The following PRKAR1A variants were observed in gnomAD, a reference collection of about 807,000 sequenced individuals.
The protein encoded by PRKAR1A is cAMP-dependent protein kinase type I-alpha regulatory subunit.
A neutral mutation model predicts 52.0 loss-of-function variants in PRKAR1A; 3 were observed. That is an observed-to-expected ratio of 0.06 (90% confidence interval 0.03 to 0.15). The LOEUF is 0.15. PRKAR1A is among the 10% of genes least tolerant of loss of function. The probability of loss-of-function intolerance (pLI) is 1.00; values close to 1 mark genes in which losing one functional copy is unlikely to be tolerated. For missense variants in PRKAR1A, 240 were observed against 477.4 expected (o/e 0.50, Z 4.63); for synonymous variants, 188 against 168.4 (o/e 1.12, Z -0.90).
In PRKAR1A at chr17:68,532,295, A is replaced by T. The variant is rs1383819048; in HGVS notation, c.*1846A>T. 1 of 1,049,676 alleles carries T rather than the reference A, an allele frequency of 9.5e-7. No homozygotes were observed. Among genetic ancestry groups the T allele is most frequent in the Non-Finnish European group, 1.2e-6 (1 of 865,018 alleles). 65.0% of individuals were successfully genotyped at this position (1,049,676 alleles called of 1,614,324 possible). Reference sequence around the variant, plus strand: ...CAAAATGTACTTAAATGAGTTACTTAGAATGCCATAAAATTGCAGTTTCAT... The same window carrying T: ...CAAAATGTACTTAAATGAGTTACTTTGAATGCCATAAAATTGCAGTTTCAT... On this transcript the variant is annotated 3_prime_UTR_variant, in exon 11 of 11. Transcript: ENST00000589228.
the PRKAR1A span, chr17:68,435,534 C>T: frequency 4.5e-6 from 6 of 1,321,468 alleles, no homozygotes; most frequent in Non-Finnish European, 6.5e-6. Context: ...GTCTTCATGT[C>T]ACCAGGTTTG....
At chr17:68,511,079 T>C (rs2085257928), upstream of PRKAR1A, among the ~76,000 whole-genome samples, 2 of 152,244 alleles carry the variant, frequency 1.3e-5, no homozygotes, top group Admixed American at 1.3e-4. Context: ...ATAAACACTA[T>C]TGAGCTACTT....
chr17:68,418,036 T>A, the PRKAR1A span, among the ~76,000 whole-genome samples: 1 of 152,104 alleles, frequency 6.6e-6, no homozygotes, highest in Non-Finnish European at 1.5e-5. Flanking sequence ...GGCTGAGTTG[T>A]TGATTTTTTA....
chr17:68,425,351 G>A, the PRKAR1A span, among the ~76,000 whole-genome samples: 2 of 151,104 alleles, frequency 1.3e-5, no homozygotes, highest in Non-Finnish European at 2.9e-5. Flanking sequence ...CTACAGGCAC[G>A]TGACACCACA....
At position 68,532,268 on chromosome 17, in the gene PRKAR1A, G is replaced by A; in HGVS notation, c.*1819G>A. ...AGCTTGATTTGATCTTTGTTTAAAT[G>A]CCAAAATGTACTTAAATGAGTTACT... On this transcript the variant is annotated 3_prime_UTR_variant, in exon 11 of 11. Coordinates refer to ENST00000589228, the MANE Select transcript of PRKAR1A (RefSeq NM_002734.5). 5 of 1,044,880 alleles carry A rather than the reference G, an allele frequency of 4.8e-6. No homozygotes were observed. Among genetic ancestry groups the A allele is most frequent in the Non-Finnish European group, 5.8e-6 (5 of 860,814 alleles). 64.7% of individuals were successfully genotyped at this position (1,044,880 alleles called of 1,614,324 possible).
chr17:68,479,173 T>C, the PRKAR1A span, among the ~76,000 whole-genome samples: 3 of 152,224 alleles, frequency 2.0e-5, no homozygotes, highest in Non-Finnish European at 2.9e-5. Context: ...TAATTACAGC[T>C]ATTATTTTTA....
At chr17:68,548,566 AAT>A (rs2086675840) in intron 11 of PRKAR1A, among the ~76,000 whole-genome samples, 1 of 151,976 alleles carries the variant, frequency 6.6e-6, no homozygotes, top group Admixed American at 6.6e-5. Flanking sequence ...AGAATTACCA[AAT>A]GTGACACAGA....
intron 11 of PRKAR1A, among the ~76,000 whole-genome samples, chr17:68,544,597 G>T (rs1166587039): frequency 6.6e-6 from 1 of 152,180 alleles, no homozygotes; most frequent in East Asian, 1.9e-4. Flanking sequence ...AGAAGCACTG[G>T]CAATTTAAAC....
At chr17:68,539,013 A>G (rs1170885213) in intron 11 of PRKAR1A, among the ~76,000 whole-genome samples, 6 of 152,204 alleles carry the variant, frequency 3.9e-5, no homozygotes, top group Admixed American at 3.3e-4. Context: ...CTTAGGCTAT[A>G]TGATAACTGC....
At chr17:68,426,254 G>GGGGGGGGGGGGT in the PRKAR1A span, 5 of 816,924 alleles carry the variant, frequency 6.1e-6, no homozygotes, top group Admixed American at 2.3e-5. Flanking sequence ...GGGAGCGGGG[G>GGGGGGGGGGGGT]CTCAAATAAA....
downstream of PRKAR1A, among the ~76,000 whole-genome samples, chr17:68,538,272 T>C: frequency 6.6e-6 from 1 of 152,246 alleles, no homozygotes. Flanking sequence ...TGACTTGGAC[T>C]CTGATGTGTA....
the PRKAR1A span, chr17:68,450,697 C>A: frequency 1.3e-6 from 2 of 1,581,294 alleles, no homozygotes; most frequent in South Asian, 2.3e-5. Flanking sequence ...TTAGCAGAAG[C>A]TTTGAAACCC....
the PRKAR1A span, among the ~76,000 whole-genome samples, chr17:68,454,137 C>G: frequency 6.6e-6 from 1 of 152,154 alleles, no homozygotes; most frequent in East Asian, 1.9e-4. Context: ...TCCAGATTTT[C>G]TTGGCCTTGT....
intron 3 of PRKAR1A, 132 bp downstream of exon 3, chr17:68,523,058 A>C (rs1422356562): frequency 2.7e-6 from 3 of 1,091,952 alleles, no homozygotes; most frequent in African/African-American, 3.1e-5. Flanking sequence ...ATTCTTGGGT[A>C]CTGGAAAACA....
the PRKAR1A span, chr17:68,420,598 A>T: frequency 3.8e-6 from 4 of 1,054,516 alleles, no homozygotes; most frequent in Non-Finnish European, 5.6e-6. Context: ...AGCCTTGCAT[A>T]TCCCTTCTGT....
At chr17:68,506,782 C>T (rs1211029714), upstream of PRKAR1A, among the ~76,000 whole-genome samples, 1 of 152,054 alleles carries the variant, frequency 6.6e-6, no homozygotes, top group Non-Finnish European at 1.5e-5. Flanking sequence ...GCACCTGGCC[C>T]AGACTGTGAA....
At chr17:68,457,526 TACCCCGCCCCGTCCCCACCCCGC>T in the PRKAR1A span, 1 of 497,922 alleles carries the variant, frequency 2.0e-6, no homozygotes. Flanking sequence ...GCCCCGCCCC[TACCCCGCCCCGTCCCCACCCCGC>T]CCCTACCCCG....
chr17:68,517,152 T>C (rs1000119279), intron 2 of PRKAR1A, among the ~76,000 whole-genome samples: 3 of 152,250 alleles, frequency 2.0e-5, no homozygotes, highest in Non-Finnish European at 4.4e-5. Flanking sequence ...TTCAGCTTCT[T>C]TAACTTTTAA....
At chr17:68,424,356 C>T in the PRKAR1A span, 3 of 498,728 alleles carry the variant, frequency 6.0e-6, no homozygotes, top group Non-Finnish European at 4.2e-6. Context: ...TGCAGGGCCC[C>T]ACCGCAGCTT....
Sources: allele counts gnomAD v4.1 joint callset (sites outside exome capture counted in the v4.1 genomes callset), GRCh38; gene constraint gnomAD v4.1.1; transcripts MANE v1.5; gene names NCBI Gene and HGNC (gene_info 2026-07-23, HGNC 2026-07-21).